The following GUCY1A1 variants were observed in gnomAD, a reference collection of about 807,000 sequenced individuals.
The protein encoded by GUCY1A1 is guanylate cyclase soluble subunit alpha-1.
A neutral mutation model predicts 64.5 loss-of-function variants in GUCY1A1; 48 were observed. That is an observed-to-expected ratio of 0.74 (90% CI 0.59 to 0.95). GUCY1A1 has a LOEUF of 0.95. Among genes scored for constraint, GUCY1A1 ranks in the 40% least tolerant of loss-of-function variants. The pLI is 0.00. For missense variants in GUCY1A1, 804 were observed against 825.3 expected, an observed-to-expected ratio of 0.97 and a Z score of 0.32; for synonymous variants, 308 against 303.4, an observed-to-expected ratio of 1.02 and a Z score of -0.16.
intron 7 of GUCY1A1, among the ~76,000 whole-genome samples, chr4:155,715,175 C>CT (rs59984586): frequency 0.39 from 58,564 of 151,574 alleles, 11,455 homozygotes; most frequent in African/African-American, 0.44. Flanking sequence ...CTCATTTCTA[C>CT]TTTTTTTTCA....
At chr4:155,682,777 AT>A (rs35214311) in intron 2 of GUCY1A1, among the ~76,000 whole-genome samples, 76,304 of 151,344 alleles carry the variant, frequency 0.5, 20,473 homozygotes, top group East Asian at 0.83. Flanking sequence ...AGAAAGGAAT[AT>A]TTTTTGTCCT....
chr4:155,672,336 T>G (rs1236588703), intron 2 of GUCY1A1, among the ~76,000 whole-genome samples: 1 of 152,192 alleles, frequency 6.6e-6, no homozygotes, highest in Non-Finnish European at 1.5e-5. Context: ...GAACTACCTT[T>G]GGCATATTCC....
At chr4:155,710,002 T>C (rs537722576) in intron 5 of GUCY1A1, among the ~76,000 whole-genome samples, 1 of 152,190 alleles carries the variant, frequency 6.6e-6, no homozygotes, top group Admixed American at 6.5e-5. Flanking sequence ...AATTATATAC[T>C]CCAAGCAGAC....
At chr4:155,680,483 T>TGTGTGTGC (rs1491175456) in intron 2 of GUCY1A1, among the ~76,000 whole-genome samples, 2 of 147,844 alleles carry the variant, frequency 1.4e-5, no homozygotes, top group African/African-American at 2.5e-5. Flanking sequence ...TGTGTGTGTG[T>TGTGTGTGC]GCACATGCAT....
intron 2 of GUCY1A1, among the ~76,000 whole-genome samples, chr4:155,686,721 T>A (rs1051421080): frequency 1.3e-5 from 2 of 152,232 alleles, no homozygotes; most frequent in African/African-American, 4.8e-5. Context: ...AGTAGTGCAA[T>A]GGCATAAGGC....
chr4:155,731,112 CA>C lies in GUCY1A1; in HGVS notation c.*882del. On this transcript the variant is annotated 3_prime_UTR_variant, in exon 10 of 10. Transcript: ENST00000506455. ...GCAACATGGGAGTAAAGTAATCATC[CA>C]GGGGACCCACCATAAAGGACATTGG... 1 of 152,706 alleles carries C rather than the reference CA, an allele frequency of 6.5e-6. No individual in the cohort carries two copies. The allele number at this position is 152,706 out of a possible 1,614,324, so 9.5% of individuals were successfully genotyped here. A position where few individuals can be genotyped will look rare whatever the true frequency, so the allele number is the denominator to read the frequency against.
At chr4:155,729,483 T>C (rs1303636058) in intron 9 of GUCY1A1, among the ~76,000 whole-genome samples, 1 of 151,876 alleles carries the variant, frequency 6.6e-6, no homozygotes, top group Non-Finnish European at 1.5e-5. Context: ...TACAATTAAA[T>C]CTCATTTGAG....
rs950400549 is a variant in GUCY1A1 at position 155,736,281 on chromosome 4, C to G, written c.*6050C>G. 1 of 151,928 alleles carries G rather than the reference C, an allele frequency of 6.6e-6. No homozygotes were observed. The highest frequency in any genetic ancestry group is 1.5e-5 in the Non-Finnish European group (1 of 67,928). The allele number at this position is 151,928 out of a possible 1,614,324, so 9.4% of individuals were successfully genotyped here. A position where few individuals can be genotyped will look rare whatever the true frequency, so the allele number is the denominator to read the frequency against. The stretch of plus-strand genomic sequence containing the variant: ...TTCTTCACCTACCCCAGTGAATCAT[C>G]TTTATATTTTACTTGGGAAACTGCT... On this transcript the variant is annotated 3_prime_UTR_variant, in exon 10 of 10. Transcript: ENST00000506455.
chr4:155,729,027 C>T (rs935397756), intron 9 of GUCY1A1, among the ~76,000 whole-genome samples: 1 of 151,826 alleles, frequency 6.6e-6, no homozygotes, highest in Non-Finnish European at 1.5e-5. Flanking sequence ...GAAAATTAAA[C>T]TGTCATTCTT....
intron 3 of GUCY1A1, among the ~76,000 whole-genome samples, chr4:155,699,220 T>C (rs912576329): frequency 6.6e-6 from 1 of 152,084 alleles, no homozygotes; most frequent in Non-Finnish European, 1.5e-5. Context: ...CATTCACCAA[T>C]TGGCTCAGCT....
chr4:155,720,289 C>T (rs1044123536), intron 8 of GUCY1A1, among the ~76,000 whole-genome samples: 1 of 152,046 alleles, frequency 6.6e-6, no homozygotes, highest in Admixed American at 6.6e-5. Context: ...ATTCCTCAAT[C>T]TAAATATGCT....
At chr4:155,710,211 T>C (rs1216563337) in intron 5 of GUCY1A1, among the ~76,000 whole-genome samples, 7 of 152,182 alleles carry the variant, frequency 4.6e-5, no homozygotes, top group East Asian at 3.9e-4. Flanking sequence ...AACAGAAAGA[T>C]TGGAGGACTT....
At chr4:155,695,694 T>C (rs909449753) in intron 2 of GUCY1A1, among the ~76,000 whole-genome samples, 2 of 152,190 alleles carry the variant, frequency 1.3e-5, no homozygotes, top group Admixed American at 1.3e-4. Flanking sequence ...GGGATAATAA[T>C]ACCTGTGTTA....
chr4:155,697,646 C>T lies in GUCY1A1; in HGVS notation c.255+524C>T, dbSNP rs116562686. ...TGTGAAAATCTCCCTTGGCCACTTG[C>T]TCTGATTCTGAAGTTCTGCTCAAGC... is the stretch of plus-strand genomic sequence containing the variant. On this transcript the variant is annotated intron_variant, in intron 3 of 9. Transcript: ENST00000506455. Among the ~76,000 whole-genome samples the T allele has an allele frequency of 3.5e-3, 527 of 152,312 alleles. 2 individuals carry two copies. The highest frequency in any genetic ancestry group is 6.0e-3 in the Non-Finnish European group (405 of 68,020).
Position 155,731,206 on chromosome 4 carries a change from C to T in GUCY1A1, c.*975C>T, listed in dbSNP as rs1360433483. The T allele has an allele frequency of 1.3e-5, 2 of 151,900 alleles. No individual in the cohort carries two copies. Among genetic ancestry groups the T allele is most frequent in the Admixed American group, 1.3e-4 (2 of 15,204 alleles). The allele number at this position is 151,900 out of a possible 1,614,324, so 9.4% of individuals were successfully genotyped here. On this transcript the variant is annotated 3_prime_UTR_variant, in exon 10 of 10. Coordinates refer to ENST00000506455, the MANE Select transcript of GUCY1A1 (RefSeq NM_001130682.3). ...AACAATATGGACCCACTTCAGCAGA[C>T]ATCTTCTATTGCCATGCTGAGCTGT...
chr4:155,706,470 A>G (rs1408886680), intron 4 of GUCY1A1, among the ~76,000 whole-genome samples: 4 of 151,386 alleles, frequency 2.6e-5, no homozygotes, highest in Non-Finnish European at 5.9e-5. Context: ...AAAATCCAAT[A>G]TATCAACCAA....
chr4:155,710,727 G>A lies in GUCY1A1; in HGVS notation c.562G>A (p.Ala188Thr), dbSNP rs1370598604. Residue 188 changes from alanine (A) to threonine (T), a missense_variant, in exon 6 of 10, where the codon GCC becomes ACC. Physicochemically the swap from Ala to Thr is moderately conservative, Grantham distance 58 (BLOSUM62 0). Coordinates refer to ENST00000506455, the MANE Select transcript of GUCY1A1 (RefSeq NM_001130682.3). ...EAGKRGRLED[A>T]SILCLDKEDD... ...AGGAAAAAGGGGCAGGCTTGAGGAC[G>A]CCTCCATTCTATGCCTGGATAAGGA... The A allele has an allele frequency of 2.5e-6, 4 of 1,613,912 alleles. No individual in the cohort carries two copies. The highest frequency in any genetic ancestry group is 1.3e-5 in the African/African-American group (1 of 74,896).
In GUCY1A1 at chr4:155,713,671, T is replaced by C. The variant is rs148035979; in HGVS notation, c.1572+88T>C. On this transcript the variant is annotated intron_variant, in intron 7 of 9. Transcript: ENST00000506455. ...CCTAGGACCTGAATTATAATGCAACTGAAAGGCCACCTCTGTAGGGTCTTG... is the reference window on the plus strand; with the variant it reads ...CCTAGGACCTGAATTATAATGCAACCGAAAGGCCACCTCTGTAGGGTCTTG... 3.7e-5 allele frequency: 52 copies of C among 1,407,672 alleles called. No homozygotes were observed. In the East Asian group the frequency reaches 1.1e-3, roughly 30 times the overall value. 87.2% of individuals were successfully genotyped at this position (1,407,672 alleles called of 1,614,324 possible).
At chr4:155,683,294 G>T (rs1402290073) in intron 2 of GUCY1A1, among the ~76,000 whole-genome samples, 1 of 152,172 alleles carries the variant, frequency 6.6e-6, no homozygotes, top group Non-Finnish European at 1.5e-5. Flanking sequence ...TTGTCAAATT[G>T]TGTGTCATTT....
Sources: allele counts gnomAD v4.1 joint callset (sites outside exome capture counted in the v4.1 genomes callset), GRCh38; gene constraint gnomAD v4.1.1; transcripts MANE v1.5; gene names NCBI Gene and HGNC (gene_info 2026-07-23, HGNC 2026-07-21).